LDLRAD4: variants seen among roughly 807,000 people sequenced by gnomAD.
The protein encoded by LDLRAD4 is low-density lipoprotein receptor class A domain-containing protein 4.
A neutral mutation model predicts 17.0 loss-of-function variants in LDLRAD4; 5 were observed. That is an observed-to-expected ratio of 0.29 (90% CI 0.15 to 0.62). The LOEUF (loss-of-function observed/expected upper bound fraction) is 0.62, where lower values mean the gene tolerates loss of function less well. Among genes scored for constraint, LDLRAD4 ranks in the 20% least tolerant of loss-of-function variants. The probability of loss-of-function intolerance (pLI) is 0.84; values close to 1 mark genes in which losing one functional copy is unlikely to be tolerated. For synonymous variants in LDLRAD4, 168 were observed against 171.8 expected, an observed-to-expected ratio of 0.98 and a Z score of 0.17; for missense variants, 340 against 424.7, an observed-to-expected ratio of 0.80 and a Z score of 1.75.
At chr18:13,330,699 A>G (rs938232503) in intron 1 of LDLRAD4, among the ~76,000 whole-genome samples, 6 of 152,146 alleles carry the variant, frequency 3.9e-5, no homozygotes, top group Non-Finnish European at 4.4e-5. Context: ...TGTCTTTTGT[A>G]TTTTAATGAC....
intron 3 of LDLRAD4, among the ~76,000 whole-genome samples, chr18:13,551,965 G>A (rs2094439060): frequency 6.6e-6 from 1 of 152,146 alleles, no homozygotes. Context: ...AGGATGGGGA[G>A]CAAGAGGGTG....
At chr18:13,304,801 T>C (rs2046813213) in intron 1 of LDLRAD4, among the ~76,000 whole-genome samples, 1 of 152,184 alleles carries the variant, frequency 6.6e-6, no homozygotes, top group South Asian at 2.1e-4. Flanking sequence ...CTAAACCTGG[T>C]CCTGCTGTGG....
At chr18:13,236,712 G>A (rs1462895030) in intron 1 of LDLRAD4, among the ~76,000 whole-genome samples, 1 of 152,142 alleles carries the variant, frequency 6.6e-6, no homozygotes, top group African/African-American at 2.4e-5. Flanking sequence ...AGTCTGGAGG[G>A]TTTCTGAGCT....
intron 3 of LDLRAD4, among the ~76,000 whole-genome samples, chr18:13,599,125 G>A (rs991187445): frequency 3.9e-5 from 6 of 152,172 alleles, no homozygotes; most frequent in Non-Finnish European, 8.8e-5. Flanking sequence ...CAACAGGGAC[G>A]TGCTGTGCTT....
intron 3 of LDLRAD4, among the ~76,000 whole-genome samples, chr18:13,480,905 G>A (rs867075447): frequency 6.6e-6 from 1 of 152,202 alleles, no homozygotes; most frequent in Non-Finnish European, 1.5e-5. Context: ...CTGGCTGTCA[G>A]CCGTGTCAGC....
intron 1 of LDLRAD4, among the ~76,000 whole-genome samples, chr18:13,230,664 G>C (rs942754289): frequency 1.3e-5 from 2 of 152,150 alleles, no homozygotes; most frequent in African/African-American, 2.4e-5. Flanking sequence ...GGCTGCAGGT[G>C]GGGGAAGAGG....
chr18:13,554,542 C>A (rs2094465485), intron 3 of LDLRAD4, among the ~76,000 whole-genome samples: 1 of 151,994 alleles, frequency 6.6e-6, no homozygotes, highest in Admixed American at 6.5e-5. Flanking sequence ...TCAGCATCTA[C>A]CCCTGGCTCT....
chr18:13,278,551 T>G (rs2045039556), intron 1 of LDLRAD4, among the ~76,000 whole-genome samples: 1 of 152,220 alleles, frequency 6.6e-6, no homozygotes. Flanking sequence ...GTGATTTTAG[T>G]GATGCTTATT....
exon 6 of LDLRAD4, chr18:13,647,804 G>A (rs1324057360): frequency 6.6e-6 from 1 of 152,232 alleles, no homozygotes; most frequent in Non-Finnish European, 1.5e-5. Context: ...GAGTCACAGT[G>A]GAGGTTCTGA....
At chr18:13,287,371 G>C (rs1021810813) in intron 1 of LDLRAD4, among the ~76,000 whole-genome samples, 4 of 152,174 alleles carry the variant, frequency 2.6e-5, no homozygotes, top group African/African-American at 9.7e-5. Context: ...AAAAACAGTT[G>C]TTAACACTTT....
rs1178680859 is a variant in LDLRAD4, at chr18:13,451,741, A to G, written c.181+13357A>G. 4.6e-5 allele frequency among the ~76,000 whole-genome samples: 7 copies of G among 152,124 alleles called. No homozygotes were observed. In the South Asian group the frequency reaches 8.3e-4, roughly 18 times the overall value. ...GGCTCACAGACCGTGCCTTCTGGCTATGTGCTTACATGGCAGAAGGGGAAG... is the reference window on the plus strand; with the variant it reads ...GGCTCACAGACCGTGCCTTCTGGCTGTGTGCTTACATGGCAGAAGGGGAAG... On this transcript the variant is annotated intron_variant, in intron 3 of 5. Transcript: ENST00000359446.
chr18:13,627,053 T>G (rs2041234892), intron 4 of LDLRAD4, among the ~76,000 whole-genome samples: 1 of 152,118 alleles, frequency 6.6e-6, no homozygotes, highest in South Asian at 2.1e-4. Flanking sequence ...GCAGATCACT[T>G]GAGGTCAGGA....
At chr18:13,624,265 C>T (rs1185262010) in intron 4 of LDLRAD4, among the ~76,000 whole-genome samples, 3 of 152,198 alleles carry the variant, frequency 2.0e-5, no homozygotes, top group East Asian at 3.8e-4. Flanking sequence ...TCTCTCTAGG[C>T]TGGCTCTGAG....
chr18:13,544,987 A>G (rs574321856), intron 3 of LDLRAD4, among the ~76,000 whole-genome samples: 1 of 151,974 alleles, frequency 6.6e-6, no homozygotes, highest in Admixed American at 6.6e-5. Context: ...TAGAGAAAAC[A>G]TACATTAAAC....
intron 2 of LDLRAD4, among the ~76,000 whole-genome samples, chr18:13,430,203 C>G (rs552660314): frequency 1.1e-4 from 17 of 152,286 alleles, no homozygotes; most frequent in Admixed American, 3.3e-4. Flanking sequence ...GTGCATCTGC[C>G]TCTGTTGATA....
intron 3 of LDLRAD4, among the ~76,000 whole-genome samples, chr18:13,571,236 G>A (rs1227432872): frequency 6.6e-6 from 1 of 152,222 alleles, no homozygotes; most frequent in Non-Finnish European, 1.5e-5. Context: ...TTGCAAATGT[G>A]TAAGTACGCT....
intron 2 of LDLRAD4, among the ~76,000 whole-genome samples, chr18:13,407,645 A>G (rs1354349535): frequency 2.0e-5 from 3 of 152,244 alleles, no homozygotes; most frequent in African/African-American, 4.8e-5. Context: ...GCAGATGGCC[A>G]TTCGGAGCTC....
At chr18:13,243,090 G>T (rs1282291700) in intron 1 of LDLRAD4, among the ~76,000 whole-genome samples, 1 of 152,340 alleles carries the variant, frequency 6.6e-6, no homozygotes, top group African/African-American at 2.4e-5. Flanking sequence ...GCACTTAAAG[G>T]CTTTATGTCT....
At chr18:13,576,919 G>A (rs1287278102) in intron 3 of LDLRAD4, among the ~76,000 whole-genome samples, 1 of 152,220 alleles carries the variant, frequency 6.6e-6, no homozygotes, top group African/African-American at 2.4e-5. Context: ...TTTGAAAGAA[G>A]TTACAACATT....
Sources: allele counts gnomAD v4.1 joint callset (sites outside exome capture counted in the v4.1 genomes callset), GRCh38; gene constraint gnomAD v4.1.1; transcripts MANE v1.5; gene names NCBI Gene and HGNC (gene_info 2026-07-23, HGNC 2026-07-21).